The following NFASC variants were observed in gnomAD, a reference collection of about 807,000 sequenced individuals.
NFASC encodes the protein neurofascin homolog.
A neutral mutation model predicts 147.5 loss-of-function variants in NFASC; 43 were observed. The ratio of observed to expected loss-of-function variants is 0.29; its 90% CI spans 0.23 to 0.38. NFASC has a LOEUF of 0.38. Among genes scored for constraint, NFASC ranks in the 10% least tolerant of loss-of-function variants. The probability of loss-of-function intolerance (pLI) is 1.00; values close to 1 mark genes in which losing one functional copy is unlikely to be tolerated. For missense variants in NFASC, 1,320 were observed against 1,689.0 expected (o/e 0.78, Z 3.83); for synonymous variants, 622 against 665.5 (o/e 0.93, Z 1.01).
intron 1 of NFASC, among the ~76,000 whole-genome samples, chr1:204,906,611 T>C (rs555931986): frequency 1.3e-4 from 20 of 152,346 alleles, no homozygotes; most frequent in East Asian, 7.7e-4. Context: ...GACATATGGT[T>C]TGTTTCCAGC....
At chr1:204,865,320 T>A (rs1314116080) in intron 1 of NFASC, among the ~76,000 whole-genome samples, 1 of 152,188 alleles carries the variant, frequency 6.6e-6, no homozygotes, top group African/African-American at 2.4e-5. Context: ...ATAAAAGTCA[T>A]GTGAATGTAG....
At chr1:204,967,600 C>T (rs2095034394) in intron 8 of NFASC, among the ~76,000 whole-genome samples, 1 of 151,608 alleles carries the variant, frequency 6.6e-6, no homozygotes, top group African/African-American at 2.4e-5. Context: ...GTAATTACTA[C>T]TCTCCTCCCC....
chr1:204,957,604 A>T, intron 7 of NFASC, 52 bp from the exon 8 acceptor site: 2 of 1,569,944 alleles, frequency 1.3e-6, no homozygotes, highest in South Asian at 2.2e-5. Flanking sequence ...TGCGGTGGTG[A>T]TGATTACTGT....
intron 1 of NFASC, among the ~76,000 whole-genome samples, chr1:204,863,132 G>A (rs1205006946): frequency 3.3e-5 from 5 of 152,214 alleles, no homozygotes; most frequent in Non-Finnish European, 7.3e-5. Context: ...ACTGGAGACT[G>A]GTGACACTGT....
At chr1:204,976,523 TG>T in intron 15 of NFASC, 147 bp from the exon 16 acceptor site, 1 of 651,622 alleles carries the variant, frequency 1.5e-6, no homozygotes. Flanking sequence ...ACCTCACCTC[TG>T]TCAAAGCATT....
chr1:204,944,463 GA>G, intron 3 of NFASC, 57 bp downstream of exon 3: 19 of 708,394 alleles, frequency 2.7e-5, no homozygotes, highest in Non-Finnish European at 3.8e-5. Flanking sequence ...AGAGGGGTGG[GA>G]GGGGAGGGAA....
At chr1:204,870,531 G>A (rs148532033) in intron 1 of NFASC, 33 of 266,318 alleles carry the variant, frequency 1.2e-4, no homozygotes, top group Non-Finnish European at 1.7e-4. Flanking sequence ...TAACAGGGGG[G>A]TCTGCTCCCC....
At chr1:204,829,409 G>A (rs1197151014) in intron 1 of NFASC, among the ~76,000 whole-genome samples, 1 of 151,736 alleles carries the variant, frequency 6.6e-6, no homozygotes, top group Non-Finnish European at 1.5e-5. Context: ...CCTGACACCC[G>A]TCACCTTCCC....
intron 1 of NFASC, among the ~76,000 whole-genome samples, chr1:204,897,608 C>G (rs1258484434): frequency 6.6e-6 from 1 of 151,130 alleles, no homozygotes; most frequent in Non-Finnish European, 1.5e-5. Flanking sequence ...GGGTCTCACT[C>G]TGTCACCCAG....
chr1:204,960,946 T>C (rs1355430249), intron 8 of NFASC, among the ~76,000 whole-genome samples: 3 of 152,370 alleles, frequency 2.0e-5, no homozygotes. Flanking sequence ...ACTCTCATAC[T>C]TCTTGCAACT....
chr1:204,964,203 G>T (rs768323884), intron 8 of NFASC, among the ~76,000 whole-genome samples: 3 of 152,198 alleles, frequency 2.0e-5, no homozygotes, highest in Non-Finnish European at 2.9e-5. Flanking sequence ...TTGCCAAATG[G>T]ATGTATTACC....
At chr1:204,933,225 G>A (rs1262402550) in intron 2 of NFASC, among the ~76,000 whole-genome samples, 3 of 152,222 alleles carry the variant, frequency 2.0e-5, no homozygotes, top group Non-Finnish European at 4.4e-5. Flanking sequence ...TGGATTGGAT[G>A]GAGGAGACCA....
chr1:204,985,726 T>C (rs1380396957), intron 21 of NFASC, among the ~76,000 whole-genome samples: 1 of 152,238 alleles, frequency 6.6e-6, no homozygotes, highest in Non-Finnish European at 1.5e-5. Flanking sequence ...TATAAATTCA[T>C]GTTCAGGAGT....
At chr1:204,902,132 A>G (rs1321259224) in intron 1 of NFASC, among the ~76,000 whole-genome samples, 3 of 152,182 alleles carry the variant, frequency 2.0e-5, no homozygotes, top group African/African-American at 4.8e-5. Flanking sequence ...CGTCTCTACA[A>G]CAAGTTTTAA....
chr1:204,870,553 G>A (rs142842585), intron 1 of NFASC: 6,283 of 443,046 alleles, frequency 0.014, 61 homozygotes, highest in Non-Finnish European at 0.017. Context: ...CCCCACCCCC[G>A]CCTTGGGGAG....
chr1:204,922,751 G>C (rs2090744570), intron 2 of NFASC, among the ~76,000 whole-genome samples: 1 of 152,186 alleles, frequency 6.6e-6, no homozygotes, highest in Admixed American at 6.5e-5. Flanking sequence ...AGGACTTTCA[G>C]ACACACAGAG....
intron 26 of NFASC, 42 bp from the exon 27 acceptor site, chr1:205,002,554 C>G: frequency 7.1e-7 from 1 of 1,402,604 alleles, no homozygotes. Flanking sequence ...TCTCCAGCTC[C>G]TGGTGCCTGG....
chr1:204,949,237 C>T (rs2093965645), intron 3 of NFASC, among the ~76,000 whole-genome samples: 1 of 152,228 alleles, frequency 6.6e-6, no homozygotes, highest in Non-Finnish European at 1.5e-5. Flanking sequence ...ACACTCTGCC[C>T]CTCCTCTGGG....
In NFASC at chr1:204,920,738, A is replaced by T; in HGVS notation, c.-93A>T. 1 of 1,283,576 alleles carries T rather than the reference A, an allele frequency of 7.8e-7. No individual in the cohort carries two copies. Among genetic ancestry groups the T allele is most frequent in the South Asian group, 1.2e-5 (1 of 80,888 alleles). The allele number at this position is 1,283,576 out of a possible 1,614,324, so 79.5% of individuals were successfully genotyped here. ...AAGGAAGAGGCTGAATGAGGCAGAGAAGGTAAGCAGGACTTGGGCCTGGGG... is the reference window on the plus strand; with the variant it reads ...AAGGAAGAGGCTGAATGAGGCAGAGTAGGTAAGCAGGACTTGGGCCTGGGG... On this transcript the variant is annotated splice_region_variant and 5_prime_UTR_variant, in exon 2 of 30. An upstream open reading frame in the 5' UTR gains an earlier in-frame stop. Coordinates refer to ENST00000339876, the MANE Select transcript of NFASC (RefSeq NM_001005388.3).
Sources: allele counts gnomAD v4.1 joint callset (sites outside exome capture counted in the v4.1 genomes callset), GRCh38; gene constraint gnomAD v4.1.1; transcripts MANE v1.5; gene names NCBI Gene and HGNC (gene_info 2026-07-23, HGNC 2026-07-21).